INPP5D: variants seen among roughly 807,000 people sequenced by gnomAD.
The protein encoded by INPP5D is phosphatidylinositol 3,4,5-trisphosphate 5-phosphatase 1.
INPP5D carries 33 observed loss-of-function variants against 122.9 expected under a neutral mutation model. That is an observed-to-expected ratio of 0.27 (90% confidence interval 0.20 to 0.36). The LOEUF (loss-of-function observed/expected upper bound fraction) is 0.36. Ranked by LOEUF, INPP5D falls within the 10% of genes least tolerant of loss-of-function variation. The pLI is 1.00. For synonymous variants in INPP5D, 584 were observed against 576.2 expected (o/e 1.01, Z -0.19); for missense variants, 1,053 against 1,412.7 (o/e 0.75, Z 4.08).
chr2:233,112,229 A>T (rs1024907825), intron 2 of INPP5D, among the ~76,000 whole-genome samples: 5 of 152,152 alleles, frequency 3.3e-5, no homozygotes, highest in African/African-American at 1.2e-4. Flanking sequence ...TTGGCATTCC[A>T]CTGTGGGGAG....
At chr2:233,069,365 G>A (rs1559271949) in intron 1 of INPP5D, among the ~76,000 whole-genome samples, 1 of 152,148 alleles carries the variant, frequency 6.6e-6, no homozygotes, top group Non-Finnish European at 1.5e-5. Flanking sequence ...TTAAAAAATG[G>A]TATTTATACA....
At chr2:233,157,564 C>A (rs1001699252) in intron 9 of INPP5D, among the ~76,000 whole-genome samples, 1 of 152,108 alleles carries the variant, frequency 6.6e-6, no homozygotes, top group Admixed American at 6.5e-5. Context: ...ACTTATCTGG[C>A]CAAAATTATG....
intron 26 of INPP5D, 44 bp downstream of exon 26, chr2:233,204,761 T>C (rs934307217): frequency 7.6e-6 from 11 of 1,439,778 alleles, no homozygotes; most frequent in Non-Finnish European, 1.0e-5. Context: ...TGTGTGTGTG[T>C]GCATGCGTGA....
intron 2 of INPP5D, among the ~76,000 whole-genome samples, chr2:233,098,836 C>A (rs751957254): frequency 6.6e-6 from 1 of 152,182 alleles, no homozygotes; most frequent in Admixed American, 6.5e-5. Context: ...CACCAGGGGG[C>A]GCCCATTCAG....
rs1417062126 is a variant in INPP5D, at chr2:233,160,583, A to T, written c.1138-1141A>T. On this transcript the variant is annotated intron_variant, in intron 10 of 26. Transcript: ENST00000445964. The surrounding 1 kb of genome is among the most constrained non-coding windows in gnomAD (Gnocchi z 4.2). ...TAATCTGGGACTATGCCCCTTCCAG[A>T]TGTTTTTTAATTTTCTCTTTCTTTC... 6.6e-6 allele frequency among the ~76,000 whole-genome samples: 1 copy of T among 152,156 alleles called. No homozygotes were observed. Among genetic ancestry groups the T allele is most frequent in the Admixed American group, 6.5e-5 (1 of 15,268 alleles).
In INPP5D at chr2:233,145,825, C is replaced by G. The variant is rs181598027; in HGVS notation, c.754-337C>G. The G allele has an allele frequency of 8.5e-6, 4 of 468,754 alleles. No homozygotes were observed. The East Asian group carries it at 2.3e-4, about 27-fold the overall frequency. The allele number at this position is 468,754 out of a possible 1,614,324, so 29.0% of individuals were successfully genotyped here. A position where few individuals can be genotyped will look rare whatever the true frequency, so the allele number is the denominator to read the frequency against. ...GGCTGGGTCTATTTTGGAAGTAGGACGGGAACACCATGCAGCAGGTGTAGG... is the reference window on the plus strand; with the variant it reads ...GGCTGGGTCTATTTTGGAAGTAGGAGGGGAACACCATGCAGCAGGTGTAGG... On this transcript the variant is annotated intron_variant, in intron 6 of 26. Coordinates refer to ENST00000445964, the MANE Select transcript of INPP5D (RefSeq NM_001017915.3).
At chr2:233,117,789 A>C (rs958409602) in intron 2 of INPP5D, among the ~76,000 whole-genome samples, 3 of 152,290 alleles carry the variant, frequency 2.0e-5, no homozygotes, top group African/African-American at 7.2e-5. Flanking sequence ...GTTGCTGAAA[A>C]GGCACCACCT....
chr2:233,185,714 T>TAAA (rs34533084), intron 20 of INPP5D, 129 bp from the exon 21 acceptor site: 1,728 of 624,742 alleles, frequency 2.8e-3, no homozygotes, highest in South Asian at 3.7e-3. Flanking sequence ...GGCCCCGAGA[T>TAAA]AAAAAAAAAA....
rs192083229 is a variant in INPP5D, at chr2:233,158,589, T to G, written c.1137+170T>G. 1.6e-4 allele frequency among the ~76,000 whole-genome samples: 25 copies of G among 152,240 alleles called. No individual in the cohort carries two copies. The East Asian group carries it at 3.3e-3, about 20-fold the overall frequency. ...GAGAAGTTGAGGATCATGTTCCAGGTTGGCCTGGATTTGAGCCATCACTGT... is the reference window on the plus strand; with the variant it reads ...GAGAAGTTGAGGATCATGTTCCAGGGTGGCCTGGATTTGAGCCATCACTGT... On this transcript the variant is annotated intron_variant, in intron 10 of 26. Transcript: ENST00000445964.
At chr2:233,124,102 T>A (rs1177882214) in intron 3 of INPP5D, among the ~76,000 whole-genome samples, 1 of 151,510 alleles carries the variant, frequency 6.6e-6, no homozygotes, top group African/African-American at 2.4e-5. Context: ...ACCCCTGAAC[T>A]TAAAATACAA....
intron 9 of INPP5D, among the ~76,000 whole-genome samples, chr2:233,147,796 C>T (rs971895468): frequency 3.9e-5 from 6 of 152,098 alleles, no homozygotes; most frequent in African/African-American, 1.2e-4. Context: ...CTCTCAGTGC[C>T]GGGCACAAAG....
At chr2:233,131,561 G>A (rs1693327667) in intron 5 of INPP5D, among the ~76,000 whole-genome samples, 1 of 149,418 alleles carries the variant, frequency 6.7e-6, no homozygotes, top group Non-Finnish European at 1.5e-5. Context: ...TTAGCTGGAT[G>A]TGGTGGCACA....
chr2:233,204,524 C>G lies in INPP5D; in HGVS notation c.3374C>G (p.Ser1125Cys), dbSNP rs1181272170. ...PVPAKRPIKPSRSEINQQTPP... is the reference protein window; with the variant it reads ...PVPAKRPIKPCRSEINQQTPP... Reference sequence around the variant, plus strand: ...CCGGCCAAGAGGCCCATCAAGCCTTCCAGATCGGAAATCAACCAGCAGACC... The same window carrying G: ...CCGGCCAAGAGGCCCATCAAGCCTTGCAGATCGGAAATCAACCAGCAGACC... The change falls in exon 26 of 27, where the codon TCC (serine) becomes TGC (cysteine). Residue 1125 changes from serine (S) to cysteine (C), a missense_variant. Coordinates refer to ENST00000445964, the MANE Select transcript of INPP5D (RefSeq NM_001017915.3). 6.3e-7 allele frequency: 1 copy of G among 1,580,746 alleles called. No homozygotes were observed. The highest frequency in any genetic ancestry group is 1.8e-5 in the Admixed American group (1 of 55,074).
chr2:233,194,409 C>T (rs1008293715), intron 23 of INPP5D, among the ~76,000 whole-genome samples: 1 of 152,022 alleles, frequency 6.6e-6, no homozygotes, highest in Non-Finnish European at 1.5e-5. Context: ...GTGCCCACTC[C>T]CATATACAAA....
intron 25 of INPP5D, among the ~76,000 whole-genome samples, chr2:233,203,491 T>G (rs1161828306): frequency 2.0e-5 from 3 of 152,232 alleles, no homozygotes; most frequent in Non-Finnish European, 2.9e-5. Flanking sequence ...AGGCCAGAAC[T>G]GAGGCTGTCT....
intron 4 of INPP5D, among the ~76,000 whole-genome samples, chr2:233,130,016 C>CT (rs1693274199): frequency 6.6e-6 from 1 of 152,184 alleles, no homozygotes; most frequent in South Asian, 2.1e-4. Context: ...ATTCTCCTGT[C>CT]TCAGCCTCCC....
chr2:233,147,147 G>A (rs186618206), intron 8 of INPP5D, among the ~76,000 whole-genome samples: 1 of 152,328 alleles, frequency 6.6e-6, no homozygotes, highest in East Asian at 1.9e-4. Flanking sequence ...GGAAGTAGGT[G>A]ACACATCAGA....
chr2:233,181,044 C>G (rs1367640326), intron 18 of INPP5D, among the ~76,000 whole-genome samples: 1 of 152,222 alleles, frequency 6.6e-6, no homozygotes, highest in Non-Finnish European at 1.5e-5. Flanking sequence ...GTAGCCTCCT[C>G]TTTCTTTCCT....
chr2:233,197,982 T>G lies in INPP5D; in HGVS notation c.2694-113T>G. On this transcript the variant is annotated intron_variant, in intron 24 of 26. Transcript: ENST00000445964. This position sits in a 1 kb window ranked among gnomAD's most constrained non-coding sequence, Gnocchi z 4.4. ...GATCACTGCCCAAGAGGTGAAGGAG[T>G]TGAGGAGAGCTCGAGAGAGCCCTAG... 7.3e-7 allele frequency: 1 copy of G among 1,375,180 alleles called. No homozygotes were observed. Among genetic ancestry groups the G allele is most frequent in the Non-Finnish European group, 9.5e-7 (1 of 1,052,722 alleles). 85.2% of individuals were successfully genotyped at this position (1,375,180 alleles called of 1,614,324 possible).
Sources: allele counts gnomAD v4.1 joint callset (sites outside exome capture counted in the v4.1 genomes callset), GRCh38; gene constraint gnomAD v4.1.1; non-coding constraint Gnocchi (gnomAD v3.1); transcripts MANE v1.5; gene names NCBI Gene and HGNC (gene_info 2026-07-23, HGNC 2026-07-21).